Variants in OPA1 observed in about 807,000 individuals in gnomAD.
The protein encoded by OPA1 is dynamin-like GTPase OPA1, mitochondrial.
In OPA1, 59 loss-of-function variants were observed where a neutral mutation model predicts 152.9. The observed-to-expected ratio is 0.39, with a 90% CI of 0.31 to 0.48. The LOEUF (loss-of-function observed/expected upper bound fraction) is 0.48. Ranked by LOEUF, OPA1 falls within the 20% of genes least tolerant of loss-of-function variation. OPA1 has a pLI of 0.96. For synonymous variants in OPA1, 400 were observed against 389.9 expected (o/e 1.03, Z -0.31); for missense variants, 1,008 against 1,216.8 (o/e 0.83, Z 2.55).
In OPA1 at chr3:193,645,517, A is replaced by G. The variant is rs368072286; in HGVS notation, c.1609-36A>G. 6 of 1,511,002 alleles carry G rather than the reference A, an allele frequency of 4.0e-6. No individual in the cohort carries two copies. The African/African-American group carries it at 5.5e-5, about 14-fold the overall frequency. The allele number at this position is 1,511,002 out of a possible 1,614,324, so 93.6% of individuals were successfully genotyped here. A position where few individuals can be genotyped will look rare whatever the true frequency, so the allele number is the denominator to read the frequency against. Reference sequence around the variant, plus strand: ...TACGCTTTTAAAACTTATGTAAACTATATCTCACATTAATTTTTCCCACTT... The same window carrying G: ...TACGCTTTTAAAACTTATGTAAACTGTATCTCACATTAATTTTTCCCACTT... On this transcript the variant is annotated intron_variant, in intron 16 of 30. Transcript: ENST00000361510.
At chr3:193,672,269 C>T (rs944572191) in intron 29 of OPA1, among the ~76,000 whole-genome samples, 2 of 152,246 alleles carry the variant, frequency 1.3e-5, no homozygotes, top group East Asian at 1.9e-4. Context: ...ATCATAAGTG[C>T]AATTTGTTTT....
intron 9 of OPA1, among the ~76,000 whole-genome samples, chr3:193,636,597 C>T (rs1027543495): frequency 1.3e-5 from 2 of 151,786 alleles, no homozygotes; most frequent in African/African-American, 4.8e-5. Context: ...GCTTGTTACA[C>T]GCAATGCAAG....
chr3:193,618,649 G>A, intron 5 of OPA1: 1 of 527,732 alleles, frequency 1.9e-6, no homozygotes, highest in South Asian at 2.3e-5. Flanking sequence ...TAATTGTTAG[G>A]TTAAACATAT....
In OPA1 at chr3:193,639,910, G is replaced by A. The variant is rs560268689; in HGVS notation, c.1149+1845G>A. 4.6e-5 allele frequency among the ~76,000 whole-genome samples: 7 copies of A among 152,276 alleles called. No individual in the cohort carries two copies. The South Asian group carries it at 1.0e-3, about 23-fold the overall frequency. ...TTTCTTGACAGGTTTGATATGGAGA[G>A]GGGAGAGAAGAAAAGCAATGGGGAG... On this transcript the variant is annotated intron_variant, in intron 11 of 30. Coordinates refer to ENST00000361510, the MANE Select transcript of OPA1 (RefSeq NM_130837.3).
rs1734782437 is a variant in OPA1, at chr3:193,647,139, T to C, written c.1829T>C (p.Met610Thr). 11 of 1,613,542 alleles carry C rather than the reference T, an allele frequency of 6.8e-6. No homozygotes were observed. In the East Asian group the frequency reaches 2.2e-4, roughly 33 times the overall value. ...SLAVSDCFWK[M>T]VRESVEQQAD... ...GCAGTATCAGACTGCTTTTGGAAAA[T>C]GGTACGAGAGTCTGTTGAACAACAG... Residue 610 changes from methionine to threonine, a missense_variant, in exon 19 of 31, where the codon ATG becomes ACG. This residue lies in a region of OPA1 where 10 missense variants were observed against 35.8 expected (regional missense o/e 0.28). Transcript: ENST00000361510.
At chr3:193,652,749 G>A (rs578145369) in intron 21 of OPA1, among the ~76,000 whole-genome samples, 3 of 152,172 alleles carry the variant, frequency 2.0e-5, no homozygotes, top group Non-Finnish European at 2.9e-5. Context: ...AAATTGTTGG[G>A]ATGGAGGGGA....
intron 9 of OPA1, among the ~76,000 whole-genome samples, chr3:193,636,387 G>C (rs6807668): frequency 1.9e-5 from 2 of 102,674 alleles, no homozygotes; most frequent in African/African-American, 7.2e-5. Context: ...AACATTTTTT[G>C]TTTATTTTTA....
rs1173992034 is a variant in OPA1 at position 193,618,872 on chromosome 3, C to T, written c.614C>T (p.Ser205Phe). 1 of 1,612,900 alleles carries T rather than the reference C, an allele frequency of 6.2e-7. No individual in the cohort carries two copies. Among genetic ancestry groups the T allele is most frequent in the South Asian group, 1.1e-5 (1 of 91,064 alleles). Residue 205 changes from serine (S) to phenylalanine (F), a missense_variant, in exon 6 of 31, where the codon TCT (serine) becomes TTT (phenylalanine). Coordinates refer to ENST00000361510, the MANE Select transcript of OPA1 (RefSeq NM_130837.3). ...GASDLLLLLG[S>F]PEETAFRATD... ...GGGTTGCATATTTATCTTTAAGGTTCTCCGGAAGAAACGGCGTTTAGAGCA... is the reference window on the plus strand; with the variant it reads ...GGGTTGCATATTTATCTTTAAGGTTTTCCGGAAGAAACGGCGTTTAGAGCA...
At chr3:193,611,110 C>G (rs1728166569) in intron 1 of OPA1, among the ~76,000 whole-genome samples, 1 of 152,156 alleles carries the variant, frequency 6.6e-6, no homozygotes, top group Non-Finnish European at 1.5e-5. Flanking sequence ...GCAGAAATCA[C>G]CCGTTTTCTG....
In OPA1 at chr3:193,642,773, G is replaced by T; in HGVS notation, c.1158G>T (p.Leu386=). The T allele has an allele frequency of 6.2e-7, 1 of 1,611,316 alleles. No homozygotes were observed. The highest frequency in any genetic ancestry group is 1.1e-5 in the South Asian group (1 of 90,970). ...MMTRSPVKVT[L]SEGPHHVALF... Reference sequence around the variant, plus strand: ...TTTTCTGTTACTATCAGGTGACTCTGAGTGAAGGTCCTCACCATGTGGCCC... The same window carrying T: ...TTTTCTGTTACTATCAGGTGACTCTTAGTGAAGGTCCTCACCATGTGGCCC... The change falls in exon 12 of 31, where the codon CTG becomes CTT. Residue 386 remains leucine, a synonymous_variant. Coordinates refer to ENST00000361510, the MANE Select transcript of OPA1 (RefSeq NM_130837.3).
chr3:193,623,208 A>T (rs921547307), intron 6 of OPA1, among the ~76,000 whole-genome samples: 1 of 152,130 alleles, frequency 6.6e-6, no homozygotes, highest in Non-Finnish European at 1.5e-5. Context: ...TAAGGCCAAT[A>T]ACTCCAGAAA....
At chr3:193,655,140 A>G (rs1010983763) in intron 22 of OPA1, 113 bp downstream of exon 22, 1 of 937,122 alleles carries the variant, frequency 1.1e-6, no homozygotes, top group East Asian at 2.6e-5. Flanking sequence ...AGGTCTTTAT[A>G]TCTCATTTAT....
At chr3:193,607,586 G>A (rs1158400043) in intron 1 of OPA1, among the ~76,000 whole-genome samples, 7 of 152,192 alleles carry the variant, frequency 4.6e-5, no homozygotes, top group African/African-American at 9.6e-5. Flanking sequence ...GATATGCGGC[G>A]TTATTTCTGA....
At chr3:193,629,564 C>T (rs1002000140) in intron 7 of OPA1, among the ~76,000 whole-genome samples, 3 of 151,774 alleles carry the variant, frequency 2.0e-5, no homozygotes, top group Non-Finnish European at 4.4e-5. Flanking sequence ...GCTGGGTGTG[C>T]TGGCGGGCAC....
At chr3:193,595,652 C>G (rs896854618) in intron 1 of OPA1, among the ~76,000 whole-genome samples, 3 of 152,110 alleles carry the variant, frequency 2.0e-5, no homozygotes, top group African/African-American at 7.2e-5. Flanking sequence ...ATCCTTTATC[C>G]TAAATTTCTC....
intron 29 of OPA1, among the ~76,000 whole-genome samples, chr3:193,684,862 AT>A: frequency 6.6e-6 from 1 of 152,118 alleles, no homozygotes; most frequent in South Asian, 2.1e-4. Context: ...AAAAGCCTAA[AT>A]ATAAGGCTAA....
chr3:193,598,980 C>T (rs905748103), intron 1 of OPA1, among the ~76,000 whole-genome samples: 5 of 152,152 alleles, frequency 3.3e-5, no homozygotes, highest in African/African-American at 1.2e-4. Flanking sequence ...ACATGGGTCA[C>T]GCTGGATAAA....
At chr3:193,685,857 C>G (rs1438701980) in intron 29 of OPA1, among the ~76,000 whole-genome samples, 1 of 152,114 alleles carries the variant, frequency 6.6e-6, no homozygotes, top group Non-Finnish European at 1.5e-5. Flanking sequence ...ACTTTGAATT[C>G]TCCTGGACAG....
intron 29 of OPA1, among the ~76,000 whole-genome samples, chr3:193,683,545 T>G (rs1720486421): frequency 6.6e-6 from 1 of 152,134 alleles, no homozygotes; most frequent in African/African-American, 2.4e-5. Context: ...CTGTGAAATC[T>G]TTCATGAAAG....
Sources: gnomAD v4.1 joint callset for allele counts (sites outside exome capture counted in the v4.1 genomes callset) on GRCh38, gnomAD v4.1.1 for gene constraint, gnomAD v4.1.1 regional missense constraint, MANE v1.5 for transcripts, NCBI Gene and HGNC (gene_info 2026-07-23, HGNC 2026-07-21) for gene names.